MTMR7: variants seen among roughly 807,000 people sequenced by gnomAD.
The protein encoded by MTMR7 is phosphatidylinositol-3-phosphate phosphatase MTMR7.
MTMR7 carries 76 observed loss-of-function variants against 81.2 expected under a neutral mutation model. The ratio of observed to expected loss-of-function variants is 0.94; its 90% CI spans 0.78 to 1.13. The LOEUF (loss-of-function observed/expected upper bound fraction) is 1.13. MTMR7 is among the 50% of genes most tolerant of loss of function. The probability of loss-of-function intolerance (pLI) is 0.00; values close to 1 mark genes in which losing one functional copy is unlikely to be tolerated. For synonymous variants in MTMR7, 372 were observed against 289.8 expected (o/e 1.28, Z -2.88); for missense variants, 1,044 against 820.0 (o/e 1.27, Z -3.34).
intron 3 of MTMR7, 93 bp downstream of exon 3, chr8:17,370,944 C>T (rs912546691): frequency 7.9e-7 from 1 of 1,262,714 alleles, no homozygotes; most frequent in African/African-American, 1.5e-5. Context: ...TCCCTGAACC[C>T]CTATCATTCC....
intron 4 of MTMR7, among the ~76,000 whole-genome samples, chr8:17,359,341 T>C (rs780617718): frequency 2.6e-5 from 4 of 152,122 alleles, no homozygotes; most frequent in Non-Finnish European, 5.9e-5. Flanking sequence ...GACTCACACA[T>C]AATTATAGCA....
At chr8:17,394,682 TATA>T (rs1271940341) in intron 1 of MTMR7, among the ~76,000 whole-genome samples, 2 of 152,212 alleles carry the variant, frequency 1.3e-5, no homozygotes, top group Non-Finnish European at 2.9e-5. Context: ...TGATGAATTT[TATA>T]ATATGTAAAT....
intron 5 of MTMR7, among the ~76,000 whole-genome samples, chr8:17,347,361 C>T (rs1365696715): frequency 6.6e-6 from 1 of 152,156 alleles, no homozygotes; most frequent in Non-Finnish European, 1.5e-5. Context: ...ATCCAATTCA[C>T]AGAACTTTCA....
intron 1 of MTMR7, among the ~76,000 whole-genome samples, chr8:17,409,323 A>G (rs1310817082): frequency 6.6e-6 from 1 of 152,098 alleles, no homozygotes; most frequent in African/African-American, 2.4e-5. Context: ...ACCTAGGTGT[A>G]GCGGCACGTG....
At chr8:17,334,589 T>C (rs564620145) in intron 6 of MTMR7, among the ~76,000 whole-genome samples, 1 of 152,344 alleles carries the variant, frequency 6.6e-6, no homozygotes, top group South Asian at 2.1e-4. Flanking sequence ...TCAGTGTCTT[T>C]GGGTGCAGAG....
Position 17,313,275 on chromosome 8 carries a change from T to C in MTMR7, c.975+17A>G, listed in dbSNP as rs756391397. The C allele has an allele frequency of 8.2e-6, 13 of 1,576,076 alleles. No homozygotes were observed. The highest frequency in any genetic ancestry group is 1.0e-5 in the Non-Finnish European group (12 of 1,147,914). On this transcript the variant is annotated intron_variant, in intron 8 of 13. Transcript: ENST00000180173. ...TGCTCATCTGTCCCTTAATTTATTTTCTCTGCAATTGCATACCTTTGCAAT... is the reference window on the plus strand; with the variant it reads ...TGCTCATCTGTCCCTTAATTTATTTCCTCTGCAATTGCATACCTTTGCAAT...
At chr8:17,368,680 G>T (rs938172200) in intron 3 of MTMR7, among the ~76,000 whole-genome samples, 2 of 152,164 alleles carry the variant, frequency 1.3e-5, no homozygotes, top group African/African-American at 2.4e-5. Flanking sequence ...TGTTAGCAAT[G>T]CCTTTAACAT....
chr8:17,309,399 T>A (rs1287059945), intron 9 of MTMR7, 73 bp from the exon 10 acceptor site: 9 of 1,063,520 alleles, frequency 8.5e-6, no homozygotes, highest in Admixed American at 2.0e-5. Flanking sequence ...CCAATAATGT[T>A]GAGGAATTCA....
intron 5 of MTMR7, among the ~76,000 whole-genome samples, chr8:17,346,916 A>T (rs940002089): frequency 2.0e-5 from 3 of 146,634 alleles, no homozygotes; most frequent in Admixed American, 6.8e-5. Context: ...AAAAAGAGGC[A>T]AGGGGCGGCG....
At chr8:17,358,559 T>C (rs1819966319) in intron 4 of MTMR7, among the ~76,000 whole-genome samples, 1 of 152,242 alleles carries the variant, frequency 6.6e-6, no homozygotes, top group East Asian at 1.9e-4. Flanking sequence ...TAATAGAGAA[T>C]ACACATTTTT....
At chr8:17,311,906 T>C in intron 8 of MTMR7, 1 of 376,114 alleles carries the variant, frequency 2.7e-6, no homozygotes, top group Non-Finnish European at 4.8e-6. Flanking sequence ...TAAGCATTCG[T>C]CCTATGCAAA....
intron 4 of MTMR7, 143 bp downstream of exon 4, chr8:17,360,974 C>G (rs1820042327): frequency 1.1e-6 from 1 of 870,384 alleles, no homozygotes; most frequent in African/African-American, 1.7e-5. Context: ...ATACAGCTGG[C>G]ACTAACCAAG....
At chr8:17,352,936 T>A (rs1819771740) in intron 4 of MTMR7, among the ~76,000 whole-genome samples, 1 of 152,144 alleles carries the variant, frequency 6.6e-6, no homozygotes, top group African/African-American at 2.4e-5. Context: ...TCCAGCAATC[T>A]CACTTCTGGA....
chr8:17,379,851 T>C (rs1480161251), intron 1 of MTMR7, among the ~76,000 whole-genome samples: 1 of 152,160 alleles, frequency 6.6e-6, no homozygotes, highest in Non-Finnish European at 1.5e-5. Flanking sequence ...TCTCCAGGGA[T>C]GGAGTGAACA....
chr8:17,394,158 C>A (rs573783147), intron 1 of MTMR7, among the ~76,000 whole-genome samples: 2 of 152,108 alleles, frequency 1.3e-5, no homozygotes, highest in Non-Finnish European at 2.9e-5. Flanking sequence ...ATTAAGCATG[C>A]ATTAACATAT....
intron 1 of MTMR7, 46 bp downstream of exon 1, chr8:17,413,223 C>A (rs1254588813): frequency 1.3e-6 from 2 of 1,540,086 alleles, no homozygotes; most frequent in African/African-American, 1.4e-5. Context: ...CCTCCTCCTC[C>A]CCCATCTCCT....
chr8:17,336,546 A>G (rs1216943228), intron 6 of MTMR7, among the ~76,000 whole-genome samples: 1 of 152,160 alleles, frequency 6.6e-6, no homozygotes, highest in Admixed American at 6.5e-5. Context: ...CTCAGCGAGT[A>G]GGAACCACCT....
intron 5 of MTMR7, among the ~76,000 whole-genome samples, chr8:17,348,727 G>C (rs555245783): frequency 6.6e-6 from 1 of 152,072 alleles, no homozygotes; most frequent in South Asian, 2.1e-4. Flanking sequence ...TGAATCTATT[G>C]AGTCATTTTC....
intron 3 of MTMR7, among the ~76,000 whole-genome samples, chr8:17,363,411 G>A (rs879753371): frequency 6.6e-5 from 10 of 152,180 alleles, no homozygotes; most frequent in Non-Finnish European, 1.5e-4. Flanking sequence ...TAGCTTTAAA[G>A]GTAGAAGAAG....
Sources: gnomAD v4.1 joint callset for allele counts (sites outside exome capture counted in the v4.1 genomes callset) on GRCh38, gnomAD v4.1.1 for gene constraint, MANE v1.5 for transcripts, NCBI Gene and HGNC (gene_info 2026-07-23, HGNC 2026-07-21) for gene names.